RPTOR: variants seen among roughly 807,000 people sequenced by gnomAD.
RPTOR encodes the protein regulatory associated protein of MTOR complex 1.
In RPTOR, 21 loss-of-function variants were observed where a neutral mutation model predicts 169.9. The ratio of observed to expected loss-of-function variants is 0.12; its 90% CI spans 0.09 to 0.18. The LOEUF (loss-of-function observed/expected upper bound fraction) is 0.18, where lower values mean the gene tolerates loss of function less well. Among genes scored for constraint, RPTOR ranks in the 10% least tolerant of loss-of-function variants. The pLI, the probability that RPTOR is intolerant of heterozygous loss-of-function variation, is 1.00. For missense variants in RPTOR, 1,133 were observed against 1,855.9 expected (o/e 0.61, Z 7.16); for synonymous variants, 732 against 753.2 (o/e 0.97, Z 0.46).
intron 3 of RPTOR, among the ~76,000 whole-genome samples, chr17:80,665,747 G>A (rs1185953081): frequency 2.6e-5 from 4 of 151,798 alleles, no homozygotes; most frequent in Admixed American, 6.6e-5. Flanking sequence ...GGGTTTCACC[G>A]TGTTAGCCAG....
intron 3 of RPTOR, among the ~76,000 whole-genome samples, chr17:80,678,771 C>G (rs2065877437): frequency 6.6e-6 from 1 of 152,104 alleles, no homozygotes. Context: ...CCTGGGATTG[C>G]AGTATCGTGG....
At chr17:80,908,617 A>G (rs78073796) in intron 20 of RPTOR, among the ~76,000 whole-genome samples, 194 bp from the exon 21 acceptor site, 174 of 152,334 alleles carry the variant, frequency 1.1e-3, no homozygotes, top group African/African-American at 3.9e-3. Flanking sequence ...CCATGTGATC[A>G]AGCCTAGTGA....
rs944812983 is a variant in RPTOR at position 80,870,754 on chromosome 17, T to G, written c.1510-9661T>G. 2.6e-5 allele frequency among the ~76,000 whole-genome samples: 4 copies of G among 152,212 alleles called. No homozygotes were observed. In the South Asian group the frequency reaches 8.3e-4, roughly 32 times the overall value. On this transcript the variant is annotated intron_variant, in intron 13 of 33. Coordinates refer to ENST00000306801, the MANE Select transcript of RPTOR (RefSeq NM_020761.3). ...AGTTTCTATCTTAACAAATTTTATT[T>G]TTTTAGAACAGTTTTAGATTTACAG...
intron 10 of RPTOR, among the ~76,000 whole-genome samples, chr17:80,840,477 C>T (rs1179699431): frequency 2.9e-5 from 4 of 139,384 alleles, no homozygotes; most frequent in Non-Finnish European, 6.1e-5. Flanking sequence ...TCACGCTCAC[C>T]GCACGGCAGC....
intron 3 of RPTOR, among the ~76,000 whole-genome samples, chr17:80,663,019 GCC>G (rs1455268846): frequency 6.6e-6 from 1 of 152,194 alleles, no homozygotes; most frequent in African/African-American, 2.4e-5. Flanking sequence ...TCATAATCTT[GCC>G]CAGGTGGCCT....
At chr17:80,927,381 A>C (rs1029663282) in intron 24 of RPTOR, among the ~76,000 whole-genome samples, 10 of 152,200 alleles carry the variant, frequency 6.6e-5, no homozygotes, top group Admixed American at 1.3e-4. Flanking sequence ...TCTTGGTGTG[A>C]TAACGAGAGG....
chr17:80,901,259 G>GC (rs2068472965), intron 20 of RPTOR, among the ~76,000 whole-genome samples: 1 of 152,158 alleles, frequency 6.6e-6, no homozygotes, highest in Non-Finnish European at 1.5e-5. Flanking sequence ...GCAGCCTGGG[G>GC]CCCGGACACA....
chr17:80,899,580 G>A (rs557942672), intron 20 of RPTOR, among the ~76,000 whole-genome samples: 1 of 152,172 alleles, frequency 6.6e-6, no homozygotes, highest in Non-Finnish European at 1.5e-5. Flanking sequence ...GCTCCCTTCC[G>A]TCACGTGTAG....
chr17:80,937,248 C>A (rs1382003736), intron 24 of RPTOR, among the ~76,000 whole-genome samples: 1 of 152,130 alleles, frequency 6.6e-6, no homozygotes, highest in Non-Finnish European at 1.5e-5. Flanking sequence ...TCACCCAAGT[C>A]TTTCTCAATC....
intron 3 of RPTOR, among the ~76,000 whole-genome samples, chr17:80,693,027 T>C (rs1207233631): frequency 6.6e-6 from 1 of 152,252 alleles, no homozygotes; most frequent in Non-Finnish European, 1.5e-5. Flanking sequence ...AGGGAAGTGC[T>C]GTATGTTGTA....
At position 80,947,408 on chromosome 17, in the gene RPTOR, A is replaced by T; in HGVS notation, c.3265+57A>T. On this transcript the variant is annotated intron_variant, in intron 27 of 33. Transcript: ENST00000306801. This position sits in a 1 kb window ranked among gnomAD's most constrained non-coding sequence, Gnocchi z 4.4. ...GCCAGGGTCTGGAGGAGTGGCGGGG[A>T]GGGTGTGTGATCCTGAGATGTGTTT... The T allele has an allele frequency of 2.7e-6, 4 of 1,473,078 alleles. No individual in the cohort carries two copies. In the South Asian group the frequency reaches 5.7e-5, roughly 21 times the overall value. 91.3% of individuals were successfully genotyped at this position (1,473,078 alleles called of 1,614,324 possible).
intron 2 of RPTOR, among the ~76,000 whole-genome samples, chr17:80,634,532 ATGTGCGTACTGTGTG>A: frequency 9.1e-5 from 1 of 11,038 alleles, no homozygotes; most frequent in Non-Finnish European, 1.9e-4. Context: ...TACTGTGTGC[ATGTGCGTACTGTGTG>A]TGTGCATACT....
chr17:80,849,265 G>A (rs1179255479), intron 11 of RPTOR, among the ~76,000 whole-genome samples: 3 of 152,162 alleles, frequency 2.0e-5, no homozygotes, highest in African/African-American at 4.8e-5. Flanking sequence ...TTTCTCACTC[G>A]CTTCCGGTTT....
intron 3 of RPTOR, among the ~76,000 whole-genome samples, chr17:80,661,906 C>T (rs560271510): frequency 5.6e-4 from 85 of 152,304 alleles, no homozygotes; most frequent in South Asian, 2.7e-3. Context: ...CTCGGTAATT[C>T]AGTCAAAACA....
At chr17:80,670,819 T>C (rs1371319142) in intron 3 of RPTOR, among the ~76,000 whole-genome samples, 2 of 152,100 alleles carry the variant, frequency 1.3e-5, no homozygotes, top group Non-Finnish European at 1.5e-5. Flanking sequence ...CATTCATTTC[T>C]GATTACTCTG....
At chr17:80,821,032 T>C (rs183900673) in intron 7 of RPTOR, among the ~76,000 whole-genome samples, 1 of 152,386 alleles carries the variant, frequency 6.6e-6, no homozygotes, top group East Asian at 1.9e-4. Context: ...TTCTCCTTTT[T>C]CTTGCCCTAT....
chr17:80,743,846 TACTA>T (rs2066519401), intron 5 of RPTOR, among the ~76,000 whole-genome samples: 5 of 122,272 alleles, frequency 4.1e-5, no homozygotes, highest in African/African-American at 1.6e-4. Flanking sequence ...CAGCCCTGGT[TACTA>T]GCAGAGCCCT....
At chr17:80,772,449 C>G (rs1231052231) in intron 6 of RPTOR, among the ~76,000 whole-genome samples, 30 of 124,208 alleles carry the variant, frequency 2.4e-4, no homozygotes, top group African/African-American at 8.8e-4. Context: ...CCCCACATGC[C>G]TGGACCCCCT....
intron 1 of RPTOR, among the ~76,000 whole-genome samples, chr17:80,596,519 G>A (rs1398802244): frequency 1.3e-5 from 2 of 152,074 alleles, no homozygotes; most frequent in Non-Finnish European, 2.9e-5. Context: ...CTAATTATAG[G>A]ATCATATGTA....
Sources: gnomAD v4.1 joint callset for allele counts (sites outside exome capture counted in the v4.1 genomes callset) on GRCh38, gnomAD v4.1.1 for gene constraint, Gnocchi (gnomAD v3.1) non-coding constraint, MANE v1.5 for transcripts, NCBI Gene and HGNC (gene_info 2026-07-23, HGNC 2026-07-21) for gene names.